Variants in SLC31A1 observed in about 807,000 individuals in gnomAD.
SLC31A1 encodes high affinity copper uptake protein 1.
A neutral mutation model predicts 17.2 loss-of-function variants in SLC31A1; 5 were observed. That is an observed-to-expected ratio of 0.29 (90% CI 0.15 to 0.61). The LOEUF is 0.61. Ranked by LOEUF, SLC31A1 falls within the 20% of genes least tolerant of loss-of-function variation. The probability of loss-of-function intolerance (pLI) is 0.86; values close to 1 mark genes in which losing one functional copy is unlikely to be tolerated. For missense variants in SLC31A1, 161 were observed against 241.4 expected, an observed-to-expected ratio of 0.67 and a Z score of 2.21; for synonymous variants, 76 against 78.8, an observed-to-expected ratio of 0.96 and a Z score of 0.19.
At chr9:113,245,639 T>A (rs1338962108) in intron 1 of SLC31A1, among the ~76,000 whole-genome samples, 1 of 144,166 alleles carries the variant, frequency 6.9e-6, no homozygotes, top group Non-Finnish European at 1.5e-5. Context: ...TGCCACTAAG[T>A]TTTTTTTTTT....
intron 1 of SLC31A1, among the ~76,000 whole-genome samples, chr9:113,230,189 A>T (rs1158444223): frequency 1.3e-5 from 2 of 152,184 alleles, no homozygotes; most frequent in Non-Finnish European, 2.9e-5. Context: ...AGTGTATGAT[A>T]CCATAACAAT....
At chr9:113,249,611 C>T (rs1448502812) in intron 1 of SLC31A1, among the ~76,000 whole-genome samples, 2 of 152,052 alleles carry the variant, frequency 1.3e-5, no homozygotes, top group East Asian at 3.9e-4. Flanking sequence ...GGTGATCCAC[C>T]CACCTTGGCC....
intron 1 of SLC31A1, among the ~76,000 whole-genome samples, chr9:113,227,934 G>A (rs1256717240): frequency 6.6e-6 from 1 of 152,188 alleles, no homozygotes; most frequent in Non-Finnish European, 1.5e-5. Flanking sequence ...CCTTATGTGT[G>A]ACTTAGTTCC....
chr9:113,248,903 A>G (rs377743379), intron 1 of SLC31A1, among the ~76,000 whole-genome samples: 40 of 152,356 alleles, frequency 2.6e-4, no homozygotes, highest in African/African-American at 9.4e-4. Context: ...CTTCTCCCAC[A>G]AAGTTCACTC....
In SLC31A1 at chr9:113,246,765, T is replaced by C. The variant is rs1000711201; in HGVS notation, c.-35-9349T>C. Among the ~76,000 whole-genome samples, 4 of 152,188 alleles carry C rather than the reference T, an allele frequency of 2.6e-5. No homozygotes were observed. In the South Asian group the frequency reaches 8.3e-4, roughly 31 times the overall value. The stretch of plus-strand genomic sequence containing the variant: ...ACTGCAACCTCCACATTATCGTGCC[T>C]CAGCCTCCCAAGTAGCTGGAACTAC... On this transcript the variant is annotated intron_variant, in intron 1 of 4. Coordinates refer to ENST00000374212, the MANE Select transcript of SLC31A1 (RefSeq NM_001859.4).
intron 1 of SLC31A1, among the ~76,000 whole-genome samples, chr9:113,254,616 G>A (rs953806983): frequency 2.6e-5 from 4 of 151,912 alleles, no homozygotes; most frequent in Admixed American, 2.6e-4. Context: ...TATTGTTCCT[G>A]GGCCGGGCAC....
rs1220357429 is a variant in SLC31A1, at chr9:113,259,009, G to C, written c.371+147G>C. ...AAACTGTCCTTGGAGGTTTGGGTTT[G>C]TAGGTCATGAGCAGGCCAAAGGAGG... On this transcript the variant is annotated intron_variant, in intron 4 of 4. Coordinates refer to ENST00000374212, the MANE Select transcript of SLC31A1 (RefSeq NM_001859.4). The C allele has an allele frequency of 4.8e-6, 4 of 830,866 alleles. No homozygotes were observed. In the African/African-American group the frequency reaches 5.0e-5, roughly 10 times the overall value. 51.5% of individuals were successfully genotyped at this position (830,866 alleles called of 1,614,324 possible). A position where few individuals can be genotyped will look rare whatever the true frequency, so the allele number is the denominator to read the frequency against.
intron 3 of SLC31A1, among the ~76,000 whole-genome samples, chr9:113,257,588 C>T (rs1297810686): frequency 6.7e-6 from 1 of 149,412 alleles, no homozygotes; most frequent in Non-Finnish European, 1.5e-5. Context: ...CAGGTTCAAG[C>T]GATTCTCCTG....
At chr9:113,257,478 A>ATTT (rs532189321) in intron 3 of SLC31A1, among the ~76,000 whole-genome samples, 64 of 101,174 alleles carry the variant, frequency 6.3e-4, no homozygotes, top group African/African-American at 1.1e-3. Context: ...AGAGTGTTTA[A>ATTT]TTTTTTTTTT....
intron 1 of SLC31A1, among the ~76,000 whole-genome samples, chr9:113,225,242 A>G (rs1333463583): frequency 1.3e-5 from 2 of 152,242 alleles, no homozygotes; most frequent in East Asian, 3.8e-4. Flanking sequence ...TCTGTGGGAT[A>G]GTTTGCTAAG....
Position 113,256,104 on chromosome 9 carries a change from C to A in SLC31A1, c.-35-10C>A, listed in dbSNP as rs757442195. The A allele has an allele frequency of 1.7e-5, 27 of 1,584,752 alleles. No homozygotes were observed. In the Admixed American group the frequency reaches 4.5e-4, roughly 26 times the overall value. The stretch of plus-strand genomic sequence containing the variant: ...CTTAAATTATTATATATAATTCTTT[C>A]TCTTAAAAGAATCTTCTGCTGACTC... On this transcript the variant is annotated splice_polypyrimidine_tract_variant and intron_variant, in intron 1 of 4. Coordinates refer to ENST00000374212, the MANE Select transcript of SLC31A1 (RefSeq NM_001859.4).
intron 1 of SLC31A1, among the ~76,000 whole-genome samples, chr9:113,222,127 C>T (rs774857473): frequency 1.8e-4 from 28 of 152,194 alleles, no homozygotes; most frequent in Admixed American, 1.0e-3. Context: ...AGTGGGTGAA[C>T]AAGAACCTTA....
At chr9:113,241,013 G>A (rs1448750200) in intron 1 of SLC31A1, among the ~76,000 whole-genome samples, 2 of 145,570 alleles carry the variant, frequency 1.4e-5, no homozygotes, top group Non-Finnish European at 3.0e-5. Flanking sequence ...TCGTGCCACT[G>A]TACTCCAGTC....
intron 1 of SLC31A1, among the ~76,000 whole-genome samples, chr9:113,254,656 T>C (rs1245015378): frequency 6.6e-6 from 1 of 152,126 alleles, no homozygotes. Context: ...CCCAGTACTT[T>C]GGGAGGCCGA....
intron 1 of SLC31A1, among the ~76,000 whole-genome samples, chr9:113,241,523 G>A (rs1351895028): frequency 6.6e-6 from 1 of 152,170 alleles, no homozygotes; most frequent in Admixed American, 6.5e-5. Flanking sequence ...TAGAATTTGT[G>A]TATTACTGAG....
At chr9:113,236,658 G>A (rs370986865) in intron 1 of SLC31A1, among the ~76,000 whole-genome samples, 3 of 152,096 alleles carry the variant, frequency 2.0e-5, no homozygotes, top group Non-Finnish European at 2.9e-5. Context: ...CACCACACCC[G>A]GCCCTCACTG....
chr9:113,226,934 G>T lies in SLC31A1; in HGVS notation c.-36+5256G>T, dbSNP rs116337791. ...ATCCTCTCTCCTACCTTTTCTGATG[G>T]CTTTTTATGAGTTCTCACACAACCC... is the stretch of plus-strand genomic sequence containing the variant. On this transcript the variant is annotated intron_variant, in intron 1 of 4. Coordinates refer to ENST00000374212, the MANE Select transcript of SLC31A1 (RefSeq NM_001859.4). Among the ~76,000 whole-genome samples the T allele has an allele frequency of 3.6e-3, 549 of 152,154 alleles. 8 individuals carry two copies. The highest frequency in any genetic ancestry group is 0.013 in the African/African-American group (524 of 41,506).
chr9:113,262,698 G>T lies in SLC31A1; in HGVS notation c.*2225G>T, dbSNP rs1429355567. On this transcript the variant is annotated 3_prime_UTR_variant, in exon 5 of 5. Coordinates refer to ENST00000374212, the MANE Select transcript of SLC31A1 (RefSeq NM_001859.4). Reference sequence around the variant, plus strand: ...CTTAACATGAGCAGGGTGAATGACAGGTACTGACGAAGTCCAACACAAAGG... The same window carrying T: ...CTTAACATGAGCAGGGTGAATGACATGTACTGACGAAGTCCAACACAAAGG... 6.6e-6 allele frequency: 1 copy of T among 152,600 alleles called. No individual in the cohort carries two copies. Among genetic ancestry groups the T allele is most frequent in the African/African-American group, 2.4e-5 (1 of 41,450 alleles). The allele number at this position is 152,600 out of a possible 1,614,324, so 9.5% of individuals were successfully genotyped here. A position where few individuals can be genotyped will look rare whatever the true frequency, so the allele number is the denominator to read the frequency against.
chr9:113,235,626 G>T (rs1327883946), intron 1 of SLC31A1, among the ~76,000 whole-genome samples: 1 of 152,176 alleles, frequency 6.6e-6, no homozygotes, highest in African/African-American at 2.4e-5. Context: ...TAGAAGTCAG[G>T]AGAGAAGATC....
Sources: gnomAD v4.1 joint callset for allele counts (sites outside exome capture counted in the v4.1 genomes callset) on GRCh38, gnomAD v4.1.1 for gene constraint, MANE v1.5 for transcripts, NCBI Gene and HGNC (gene_info 2026-07-23, HGNC 2026-07-21) for gene names.